Variants in FOSL2 observed in about 807,000 individuals in gnomAD.
FOSL2 encodes the protein fos-related antigen 2.
A neutral mutation model predicts 27.7 loss-of-function variants in FOSL2; 3 were observed. The observed-to-expected ratio is 0.11, with a 90% confidence interval of 0.05 to 0.28. The LOEUF (loss-of-function observed/expected upper bound fraction) is 0.28. Among genes scored for constraint, FOSL2 ranks in the 10% least tolerant of loss-of-function variants. The probability of loss-of-function intolerance (pLI) is 1.00; values close to 1 mark genes in which losing one functional copy is unlikely to be tolerated. For missense variants in FOSL2, 333 were observed against 445.1 expected (o/e 0.75, Z 2.27); for synonymous variants, 179 against 190.1 (o/e 0.94, Z 0.48).
rs3838585 is a variant in FOSL2 at position 28,416,464 on chromosome 2, C to CTTTTTTTTTTT, written c.*4023_*4033dup. On this transcript the variant is annotated 3_prime_UTR_variant, in exon 4 of 4. Coordinates refer to ENST00000264716, the MANE Select transcript of FOSL2 (RefSeq NM_005253.4). ...CCGTTCCTCTCTCTCTTCTCGCTTC[C>CTTTTTTTTTTT]TTTTTTTTTTTTTTTTTAAATTTAG... 1 of 139,988 alleles carries CTTTTTTTTTTT rather than the reference C, an allele frequency of 7.1e-6. No individual in the cohort carries two copies. Among genetic ancestry groups the CTTTTTTTTTTT allele is most frequent in the African/African-American group, 2.7e-5 (1 of 37,578 alleles). The allele number at this position is 139,988 out of a possible 1,614,324, so 8.7% of individuals were successfully genotyped here.
intron 1 of FOSL2, among the ~76,000 whole-genome samples, chr2:28,397,991 C>G (rs1421391718): frequency 1.3e-5 from 2 of 152,180 alleles, no homozygotes; most frequent in Non-Finnish European, 2.9e-5. Flanking sequence ...CTGCAGGCCT[C>G]TAGAGTCTAC....
rs1426801676 is a variant in FOSL2 at position 28,415,298 on chromosome 2, T to C, written c.*2850T>C. 1 of 152,108 alleles carries C rather than the reference T, an allele frequency of 6.6e-6. No individual in the cohort carries two copies. Among genetic ancestry groups the C allele is most frequent in the African/African-American group, 2.4e-5 (1 of 41,392 alleles). 9.4% of individuals were successfully genotyped at this position (152,108 alleles called of 1,614,324 possible). On this transcript the variant is annotated 3_prime_UTR_variant, in exon 4 of 4. Transcript: ENST00000264716. ...TGCGAATAGTCCTCTCCCTGGCCAGTTGAATGGGGGAAGCTGCTGGCACAG... is the reference window on the plus strand; with the variant it reads ...TGCGAATAGTCCTCTCCCTGGCCAGCTGAATGGGGGAAGCTGCTGGCACAG...
At position 28,404,485 on chromosome 2, in the gene FOSL2, C is replaced by G. The variant is rs1029524599; in HGVS notation, c.354+127C>G. 11 of 1,177,274 alleles carry G rather than the reference C, an allele frequency of 9.3e-6. No homozygotes were observed. In the Admixed American group the frequency reaches 1.8e-4, roughly 19 times the overall value. 72.9% of individuals were successfully genotyped at this position (1,177,274 alleles called of 1,614,324 possible). ...CAGGGGAGACAAGGGAGCTAGGGGT[C>G]GAAGAGCACGTCATCCCCCTTACTG... On this transcript the variant is annotated intron_variant, in intron 2 of 3. Coordinates refer to ENST00000264716, the MANE Select transcript of FOSL2 (RefSeq NM_005253.4). This position sits in a 1 kb window ranked among gnomAD's most constrained non-coding sequence, Gnocchi z 4.7.
rs1036895064 is a variant in FOSL2, at chr2:28,416,354, C to A, written c.*3906C>A. ...GAAAGGGAGGGGGAGAAGAAATTGA[C>A]ATTTATTTTATTATTTATTTTAAAT... On this transcript the variant is annotated 3_prime_UTR_variant, in exon 4 of 4. Coordinates refer to ENST00000264716, the MANE Select transcript of FOSL2 (RefSeq NM_005253.4). The A allele has an allele frequency of 4.0e-5, 6 of 151,840 alleles. No homozygotes were observed. Among genetic ancestry groups the A allele is most frequent in the Admixed American group, 3.9e-4 (6 of 15,240 alleles). The allele number at this position is 151,840 out of a possible 1,614,324, so 9.4% of individuals were successfully genotyped here.
chr2:28,393,870 C>A lies in FOSL2; in HGVS notation c.102+48C>A. The A allele has an allele frequency of 1.6e-6, 2 of 1,257,266 alleles. No homozygotes were observed. Among genetic ancestry groups the A allele is most frequent in the Non-Finnish European group, 2.2e-6 (2 of 896,702 alleles). The allele number at this position is 1,257,266 out of a possible 1,614,324, so 77.9% of individuals were successfully genotyped here. A position where few individuals can be genotyped will look rare whatever the true frequency, so the allele number is the denominator to read the frequency against. On this transcript the variant is annotated intron_variant, in intron 1 of 3. Transcript: ENST00000264716. This position sits in a 1 kb window ranked among gnomAD's most constrained non-coding sequence, Gnocchi z 4.6. ...CTGGCGGCGCGGGCGGACCCCTGCCCTCTTCTCGCCGCCACTGCCTCTTTT... is the reference window on the plus strand; with the variant it reads ...CTGGCGGCGCGGGCGGACCCCTGCCATCTTCTCGCCGCCACTGCCTCTTTT...
At chr2:28,406,061 TTTTTTTC>T (rs2148090580) in intron 2 of FOSL2, among the ~76,000 whole-genome samples, 1 of 148,596 alleles carries the variant, frequency 6.7e-6, no homozygotes, top group Non-Finnish European at 1.5e-5. Context: ...TTTTTTTTTT[TTTTTTTC>T]TTTTTGAGAT....
intron 2 of FOSL2, among the ~76,000 whole-genome samples, chr2:28,407,045 C>T (rs1411719105): frequency 1.3e-5 from 2 of 152,216 alleles, no homozygotes; most frequent in African/African-American, 4.8e-5. Context: ...CACAAGTTGC[C>T]CCACACCTCA....
At chr2:28,409,572 C>G (rs1373112796) in intron 3 of FOSL2, among the ~76,000 whole-genome samples, 3 of 152,102 alleles carry the variant, frequency 2.0e-5, no homozygotes, top group Non-Finnish European at 4.4e-5. Context: ...CCCTTCAGAG[C>G]CTGGCCCTGC....
In FOSL2 at chr2:28,411,382, A is replaced by G. The variant is rs547635214; in HGVS notation, c.463-548A>G. On this transcript the variant is annotated intron_variant, in intron 3 of 3. Transcript: ENST00000264716. ...GAGTAAGAGAAGGAGAGAGGTGGGT[A>G]GAGCTGTGTTCCGTACCCCCTTCTC... 9.2e-5 allele frequency among the ~76,000 whole-genome samples: 14 copies of G among 152,162 alleles called. No homozygotes were observed. In the East Asian group the frequency reaches 2.5e-3, roughly 27 times the overall value.
At chr2:28,411,149 C>CAA (rs113232380) in intron 3 of FOSL2, among the ~76,000 whole-genome samples, 9 of 106,094 alleles carry the variant, frequency 8.5e-5, no homozygotes, top group African/African-American at 1.1e-4. Flanking sequence ...GACTCTGTCT[C>CAA]AAAAAAAAAA....
chr2:28,407,264 C>A (rs1199470372), intron 2 of FOSL2, among the ~76,000 whole-genome samples: 1 of 152,206 alleles, frequency 6.6e-6, no homozygotes, highest in Non-Finnish European at 1.5e-5. Flanking sequence ...TGCAGCAGGG[C>A]CATAAGGCTT....
chr2:28,399,349 G>C (rs1044922441), intron 1 of FOSL2, among the ~76,000 whole-genome samples: 7 of 152,168 alleles, frequency 4.6e-5, no homozygotes, highest in African/African-American at 1.7e-4. Flanking sequence ...TCAGCAAAAA[G>C]CCATGGGTTC....
In FOSL2 at chr2:28,408,084, C is replaced by T. The variant is rs769359670; in HGVS notation, c.355-675C>T. 3.3e-5 allele frequency among the ~76,000 whole-genome samples: 5 copies of T among 152,196 alleles called. No individual in the cohort carries two copies. Among genetic ancestry groups the T allele is most frequent in the Non-Finnish European group, 4.4e-5 (3 of 68,050 alleles). ...CTGCTGGGGGCTCCTCTTCCTTTTGCATGTCCTGTCCAACTTAGCACTGTA... is the reference window on the plus strand; with the variant it reads ...CTGCTGGGGGCTCCTCTTCCTTTTGTATGTCCTGTCCAACTTAGCACTGTA... On this transcript the variant is annotated intron_variant, in intron 2 of 3. Transcript: ENST00000264716. The surrounding 1 kb of genome is among the most constrained non-coding windows in gnomAD (Gnocchi z 4.1).
intron 1 of FOSL2, among the ~76,000 whole-genome samples, chr2:28,396,348 T>C (rs1055922205): frequency 1.3e-5 from 2 of 152,194 alleles, no homozygotes; most frequent in Non-Finnish European, 2.9e-5. Flanking sequence ...GGCAGGAACT[T>C]GAGGCATGAA....
Position 28,413,436 on chromosome 2 carries a change from C to CGCCTTTCCCCCACCCTGGCTCT in FOSL2, c.*989_*1010dup. The CGCCTTTCCCCCACCCTGGCTCT allele has an allele frequency of 2.5e-6, 1 of 398,544 alleles. No individual in the cohort carries two copies. The highest frequency in any genetic ancestry group is 4.4e-6 in the Non-Finnish European group (1 of 226,206). 24.7% of individuals were successfully genotyped at this position (398,544 alleles called of 1,614,324 possible). A position where few individuals can be genotyped will look rare whatever the true frequency, so the allele number is the denominator to read the frequency against. The stretch of plus-strand genomic sequence containing the variant: ...TATACTCCAAGTCCCTGCCGGGCTC[C>CGCCTTTCCCCCACCCTGGCTCT]GCCTTTCCCCCACCCTGGCTCTCAG... On this transcript the variant is annotated 3_prime_UTR_variant, in exon 4 of 4. Transcript: ENST00000264716.
intron 2 of FOSL2, among the ~76,000 whole-genome samples, chr2:28,406,784 G>A (rs1664091725): frequency 6.6e-6 from 1 of 152,224 alleles, no homozygotes; most frequent in Non-Finnish European, 1.5e-5. Flanking sequence ...GCTTTGCTCT[G>A]AAGCTTACTC....
At chr2:28,406,800 G>A (rs962755568) in intron 2 of FOSL2, among the ~76,000 whole-genome samples, 5 of 152,222 alleles carry the variant, frequency 3.3e-5, no homozygotes, top group African/African-American at 1.2e-4. Context: ...TACTCCGGCC[G>A]TCCCCAGCCT....
At position 28,413,261 on chromosome 2, in the gene FOSL2, G is replaced by A; in HGVS notation, c.*813G>A. 2.6e-6 allele frequency: 1 copy of A among 384,738 alleles called. No individual in the cohort carries two copies. Among genetic ancestry groups the A allele is most frequent in the Non-Finnish European group, 4.6e-6 (1 of 217,848 alleles). The allele number at this position is 384,738 out of a possible 1,614,324, so 23.8% of individuals were successfully genotyped here. On this transcript the variant is annotated 3_prime_UTR_variant, in exon 4 of 4. Transcript: ENST00000264716. ...AAACGCCTAATTACCAGGCCAGGAAGCATGCCAACAAAGCCACACGGGTGT... is the reference window on the plus strand; with the variant it reads ...AAACGCCTAATTACCAGGCCAGGAAACATGCCAACAAAGCCACACGGGTGT...
intron 2 of FOSL2, among the ~76,000 whole-genome samples, chr2:28,405,132 G>A (rs1664050465): frequency 6.6e-6 from 1 of 152,210 alleles, no homozygotes. Context: ...GCCTGGATCA[G>A]CAGTAAGCCA....
Sources: allele counts gnomAD v4.1 joint callset (sites outside exome capture counted in the v4.1 genomes callset), GRCh38; gene constraint gnomAD v4.1.1; non-coding constraint Gnocchi (gnomAD v3.1); transcripts MANE v1.5; gene names NCBI Gene and HGNC (gene_info 2026-07-23, HGNC 2026-07-21).